The following CAMK1D variants were observed in gnomAD, a reference collection of about 807,000 sequenced individuals.
CAMK1D encodes the protein calcium/calmodulin dependent protein kinase ID.
CAMK1D carries 9 observed loss-of-function variants against 47.7 expected under a neutral mutation model. The ratio of observed to expected loss-of-function variants is 0.19; its 90% CI spans 0.11 to 0.33. CAMK1D has a LOEUF of 0.33. Among genes scored for constraint, CAMK1D ranks in the 10% least tolerant of loss-of-function variants. CAMK1D has a pLI of 1.00. For synonymous variants in CAMK1D, 184 were observed against 184.9 expected (o/e 0.99, Z 0.04); for missense variants, 291 against 488.7 (o/e 0.60, Z 3.81).
intron 1 of CAMK1D, among the ~76,000 whole-genome samples, chr10:12,400,095 T>A (rs1385433562): frequency 3.3e-5 from 5 of 152,196 alleles, no homozygotes; most frequent in Non-Finnish European, 7.3e-5. Context: ...TGTGACGCGA[T>A]GGGATGTCAT....
chr10:12,670,283 A>T (rs1011738696), intron 3 of CAMK1D, among the ~76,000 whole-genome samples: 2 of 151,718 alleles, frequency 1.3e-5, no homozygotes, highest in Non-Finnish European at 2.9e-5. Flanking sequence ...AATCATGTTG[A>T]TCATTTTTTT....
chr10:12,399,161 T>C (rs1374013644), intron 1 of CAMK1D, among the ~76,000 whole-genome samples: 1 of 152,134 alleles, frequency 6.6e-6, no homozygotes, highest in Non-Finnish European at 1.5e-5. Context: ...TCCTTGAGGC[T>C]TACTGGTGTG....
chr10:12,407,157 A>C (rs1163877177), intron 1 of CAMK1D, among the ~76,000 whole-genome samples: 7 of 151,992 alleles, frequency 4.6e-5, no homozygotes, highest in Admixed American at 4.6e-4. Context: ...AGCCTCTCTC[A>C]TGCCCTGCGT....
intron 3 of CAMK1D, among the ~76,000 whole-genome samples, chr10:12,734,563 C>G (rs1461954970): frequency 6.8e-6 from 1 of 146,262 alleles, no homozygotes; most frequent in African/African-American, 2.6e-5. Flanking sequence ...TATATATACA[C>G]ATATGTGTAT....
intron 1 of CAMK1D, among the ~76,000 whole-genome samples, chr10:12,526,392 G>A (rs771313210): frequency 9.2e-5 from 14 of 152,108 alleles, no homozygotes; most frequent in African/African-American, 1.4e-4. Flanking sequence ...TGAGTGAGCC[G>A]GGACTTGTGC....
chr10:12,383,888 T>C (rs911011075), intron 1 of CAMK1D, among the ~76,000 whole-genome samples: 1 of 152,156 alleles, frequency 6.6e-6, no homozygotes, highest in African/African-American at 2.4e-5. Context: ...ATAAAAGGTA[T>C]CCAGATTGTA....
At chr10:12,668,364 C>T (rs867192588) in intron 3 of CAMK1D, among the ~76,000 whole-genome samples, 1 of 152,140 alleles carries the variant, frequency 6.6e-6, no homozygotes, top group African/African-American at 2.4e-5. Flanking sequence ...AACTACTAAT[C>T]CTCAATCTAA....
intron 1 of CAMK1D, among the ~76,000 whole-genome samples, chr10:12,378,776 T>C (rs1838256574): frequency 6.6e-6 from 1 of 151,736 alleles, no homozygotes; most frequent in Non-Finnish European, 1.5e-5. Context: ...GAGATCTCTA[T>C]CCAAGTGTGA....
chr10:12,476,291 C>CA lies in CAMK1D; in HGVS notation c.93-76923dup, dbSNP rs556845152. Among the ~76,000 whole-genome samples, 1,261 of 140,970 alleles carry CA rather than the reference C, an allele frequency of 8.9e-3. 15 individuals are homozygous for CA. The highest frequency in any genetic ancestry group is 0.029 in the African/African-American group (1,117 of 38,518). The allele number at this position is 140,970 out of a possible 152,430, so 92.5% of individuals were successfully genotyped here. Reference sequence around the variant, plus strand: ...TGGGCAACAGAACGAGACTCTGTTTCAAAAAAAAAAAGAAGTCTAGAGTGA... The same window carrying CA: ...TGGGCAACAGAACGAGACTCTGTTTCAAAAAAAAAAAAGAAGTCTAGAGTGA... On this transcript the variant is annotated intron_variant, in intron 1 of 10. Transcript: ENST00000619168.
intron 1 of CAMK1D, among the ~76,000 whole-genome samples, chr10:12,412,157 C>T (rs1048100284): frequency 6.6e-6 from 1 of 152,174 alleles, no homozygotes; most frequent in African/African-American, 2.4e-5. Flanking sequence ...TCTTTTATCA[C>T]AGTCCTCATC....
intron 3 of CAMK1D, among the ~76,000 whole-genome samples, chr10:12,679,902 C>T (rs1840935294): frequency 6.6e-6 from 1 of 152,186 alleles, no homozygotes; most frequent in African/African-American, 2.4e-5. Context: ...CCCTGTGATA[C>T]CAAAGCATGC....
chr10:12,573,641 T>TAG (rs758508413), intron 2 of CAMK1D, among the ~76,000 whole-genome samples: 1 of 151,744 alleles, frequency 6.6e-6, no homozygotes, highest in Non-Finnish European at 1.5e-5. Flanking sequence ...CCTTCTTTCT[T>TAG]ACGTTTTTCT....
At chr10:12,364,497 C>T (rs951803498) in intron 1 of CAMK1D, among the ~76,000 whole-genome samples, 1 of 151,976 alleles carries the variant, frequency 6.6e-6, no homozygotes, top group South Asian at 2.1e-4. Context: ...CCCACCTAGG[C>T]CTCCCGAAGT....
At chr10:12,393,662 G>T (rs1291259415) in intron 1 of CAMK1D, among the ~76,000 whole-genome samples, 1 of 152,190 alleles carries the variant, frequency 6.6e-6, no homozygotes, top group Non-Finnish European at 1.5e-5. Flanking sequence ...GTTTAGAGAT[G>T]GAGACACCCA....
chr10:12,743,176 A>G (rs1327925689), intron 3 of CAMK1D, among the ~76,000 whole-genome samples: 1 of 151,914 alleles, frequency 6.6e-6, no homozygotes, highest in Non-Finnish European at 1.5e-5. Context: ...ATGAAACCCC[A>G]TCCCTACTAA....
intron 1 of CAMK1D, among the ~76,000 whole-genome samples, chr10:12,520,057 G>T (rs1169194244): frequency 1.3e-5 from 1 of 79,928 alleles, no homozygotes. Context: ...GCGGCTGGCC[G>T]GGTGGGGGGC....
chr10:12,356,721 C>CAAAAAA (rs71384311), intron 1 of CAMK1D, among the ~76,000 whole-genome samples: 7 of 74,966 alleles, frequency 9.3e-5, no homozygotes, highest in African/African-American at 2.6e-4. Context: ...GACTCCATTT[C>CAAAAAA]AAAAAAAAAA....
chr10:12,539,203 A>G (rs1836084268), intron 1 of CAMK1D, among the ~76,000 whole-genome samples: 2 of 152,190 alleles, frequency 1.3e-5, no homozygotes, highest in Non-Finnish European at 1.5e-5. Context: ...TAACACAGAC[A>G]CAGCCAAACG....
At chr10:12,619,791 A>G (rs1458775801) in intron 2 of CAMK1D, among the ~76,000 whole-genome samples, 1 of 152,076 alleles carries the variant, frequency 6.6e-6, no homozygotes, top group African/African-American at 2.4e-5. Flanking sequence ...GCAGGATACA[A>G]AAGCTTCTGG....
Sources: gnomAD v4.1 joint callset for allele counts (sites outside exome capture counted in the v4.1 genomes callset) on GRCh38, gnomAD v4.1.1 for gene constraint, MANE v1.5 for transcripts, NCBI Gene and HGNC (gene_info 2026-07-23, HGNC 2026-07-21) for gene names.